Variants in ATP6V0A1 observed in about 807,000 individuals in gnomAD.
The protein encoded by ATP6V0A1 is ATPase H+ transporting V0 subunit a1.
ATP6V0A1 carries 43 observed loss-of-function variants against 105.4 expected under a neutral mutation model. The ratio of observed to expected loss-of-function variants is 0.41; its 90% CI spans 0.32 to 0.53. ATP6V0A1 has a LOEUF of 0.53. ATP6V0A1 is among the 20% of genes least tolerant of loss of function. The pLI, the probability that ATP6V0A1 is intolerant of heterozygous loss-of-function variation, is 0.30. For synonymous variants in ATP6V0A1, 362 were observed against 372.8 expected, an observed-to-expected ratio of 0.97 and a Z score of 0.33; for missense variants, 676 against 1,051.1, an observed-to-expected ratio of 0.64 and a Z score of 4.93.
rs577006376 is a variant in ATP6V0A1, at chr17:42,500,940, G to T, written c.1896+17G>T. On this transcript the variant is annotated intron_variant, in intron 16 of 21. Transcript: ENST00000343619. Reference sequence around the variant, plus strand: ...TCTGGACAGGTACGTCAGCCCAGAGGCAGACTGTCTGAGATGATTATACTT... The same window carrying T: ...TCTGGACAGGTACGTCAGCCCAGAGTCAGACTGTCTGAGATGATTATACTT... The T allele has an allele frequency of 2.5e-6, 4 of 1,596,108 alleles. No individual in the cohort carries two copies. Among genetic ancestry groups the T allele is most frequent in the Middle Eastern group, 3.3e-4 (2 of 6,030 alleles).
intron 5 of ATP6V0A1, among the ~76,000 whole-genome samples, chr17:42,471,747 G>T (rs967701892): frequency 3.3e-5 from 5 of 151,998 alleles, no homozygotes; most frequent in Admixed American, 2.0e-4. Context: ...AAAAATGTAG[G>T]TGACTTAGTC....
At chr17:42,469,799 C>T (rs1007707807) in intron 4 of ATP6V0A1, among the ~76,000 whole-genome samples, 4 of 152,110 alleles carry the variant, frequency 2.6e-5, no homozygotes, top group African/African-American at 7.2e-5. Context: ...TGCGCCAGCA[C>T]GCCCAGCTAA....
At chr17:42,505,152 C>G (rs1438785352) in intron 17 of ATP6V0A1, among the ~76,000 whole-genome samples, 1 of 152,050 alleles carries the variant, frequency 6.6e-6, no homozygotes, top group African/African-American at 2.4e-5. Flanking sequence ...TCTCCTGCCT[C>G]AGCCTCATGA....
In ATP6V0A1 at chr17:42,514,428, C is replaced by T; in HGVS notation, c.2388C>T (p.Leu796=). ...TVAILLIMEG[L]SAFLHALRLH... Reference sequence around the variant, plus strand: ...CCATCCTCCTGATCATGGAGGGCCTCTCGGCCTTTCTCCACGCACTGCGCT... The same window carrying T: ...CCATCCTCCTGATCATGGAGGGCCTTTCGGCCTTTCTCCACGCACTGCGCT... Residue 796 remains leucine (L), a synonymous_variant, in exon 21 of 22, where the codon CTC becomes CTT. Coordinates refer to ENST00000343619, the MANE Select transcript of ATP6V0A1 (RefSeq NM_001130021.3). 6.2e-7 allele frequency: 1 copy of T among 1,610,038 alleles called. No individual in the cohort carries two copies. Among genetic ancestry groups the T allele is most frequent in the Non-Finnish European group, 8.5e-7 (1 of 1,178,068 alleles).
chr17:42,491,520 G>A (rs2090626212), intron 11 of ATP6V0A1, among the ~76,000 whole-genome samples: 1 of 151,756 alleles, frequency 6.6e-6, no homozygotes, highest in South Asian at 2.1e-4. Context: ...ATTTACTCTC[G>A]TTGCCCAGGC....
chr17:42,501,292 G>T lies in ATP6V0A1; in HGVS notation c.1992G>T (p.Arg664Ser), dbSNP rs2091647681. ...TGGTCCTTCGCCGTCAGTATTTGAG[G>T]AGAAAGCATTTGGTAGGTGTATTTC... The part of the protein sequence containing the change: ...KPLVLRRQYL[R>S]RKHLGTLNFG... The change falls in exon 17 of 22, where the codon AGG becomes AGT. Residue 664 changes from arginine (R) to serine (S), a missense_variant. Physicochemically the swap from Arg to Ser is moderately radical, Grantham distance 110 (BLOSUM62 -1). Around this residue, in one of 3 missense-constraint regions of ATP6V0A1, gnomAD observed 435 missense variants for 642.2 expected, o/e 0.68. Coordinates refer to ENST00000343619, the MANE Select transcript of ATP6V0A1 (RefSeq NM_001130021.3). 2 of 1,613,570 alleles carry T rather than the reference G, an allele frequency of 1.2e-6. No individual in the cohort carries two copies. The highest frequency in any genetic ancestry group is 1.3e-5 in the African/African-American group (1 of 74,900).
In ATP6V0A1 at chr17:42,461,030, G is replaced by A; in HGVS notation, c.117+19G>A. The A allele has an allele frequency of 6.3e-7, 1 of 1,588,336 alleles. No homozygotes were observed. Among genetic ancestry groups the A allele is most frequent in the Non-Finnish European group, 8.6e-7 (1 of 1,156,592 alleles). ...TCGTGACGTAAGTAGTTGTGGGGCT[G>A]CGACTTGATTACTGCTGAACTCTAT... On this transcript the variant is annotated intron_variant, in intron 2 of 21. Coordinates refer to ENST00000343619, the MANE Select transcript of ATP6V0A1 (RefSeq NM_001130021.3).
Position 42,477,773 on chromosome 17 carries a change from G to A in ATP6V0A1, c.506+31G>A, listed in dbSNP as rs990601756. 3.9e-6 allele frequency: 6 copies of A among 1,539,338 alleles called. No homozygotes were observed. The African/African-American group carries it at 4.1e-5, about 11-fold the overall frequency. On this transcript the variant is annotated intron_variant, in intron 6 of 21. Transcript: ENST00000343619. The stretch of plus-strand genomic sequence containing the variant: ...TGCCATGTCAACTTTTCGGTATTCA[G>A]TGGGGCCATGTTCATCTCTTCTGTT...
intron 12 of ATP6V0A1, 122 bp from the exon 13 acceptor site, chr17:42,494,912 C>G: frequency 9.2e-7 from 1 of 1,087,372 alleles, no homozygotes; most frequent in Non-Finnish European, 1.3e-6. Flanking sequence ...TTACTTCAAG[C>G]TCTCTGAATC....
intron 14 of ATP6V0A1, 100 bp downstream of exon 14, chr17:42,495,816 C>A: frequency 9.2e-7 from 1 of 1,081,610 alleles, no homozygotes; most frequent in Non-Finnish European, 1.4e-6. Flanking sequence ...TGGGCTTTCA[C>A]TGGGCATGGT....
chr17:42,485,544 T>G (rs1329706722), intron 9 of ATP6V0A1, among the ~76,000 whole-genome samples: 1 of 147,660 alleles, frequency 6.8e-6, no homozygotes, highest in African/African-American at 2.7e-5. Context: ...TGTTTGTTTG[T>G]TTTGTTTTGT....
intron 4 of ATP6V0A1, 40 bp from the exon 5 acceptor site, chr17:42,470,050 A>G (rs1304529270): frequency 6.5e-7 from 1 of 1,540,942 alleles, no homozygotes; most frequent in Non-Finnish European, 8.8e-7. Context: ...CAGAGCAAAC[A>G]TATTGAGCTT....
At chr17:42,511,888 G>A (rs866255823) in intron 19 of ATP6V0A1, among the ~76,000 whole-genome samples, 8 of 152,114 alleles carry the variant, frequency 5.3e-5, no homozygotes, top group African/African-American at 7.2e-5. Context: ...GCTTGAACCC[G>A]GGAGGCAGAG....
chr17:42,487,220 C>G lies in ATP6V0A1; in HGVS notation c.876C>G (p.Val292=). The G allele has an allele frequency of 6.2e-7, 1 of 1,614,212 alleles. No homozygotes were observed. Among genetic ancestry groups the G allele is most frequent in the South Asian group, 1.1e-5 (1 of 91,086 alleles). The change falls in exon 10 of 22, where the codon GTC becomes GTG. Residue 292 remains valine (V), a synonymous_variant. Coordinates refer to ENST00000343619, the MANE Select transcript of ATP6V0A1 (RefSeq NM_001130021.3). ...AGGCAGCTGCTAAGAACATCCGTGT[C>G]TGGTTCATCAAAGTGCGGAAGATGA... The part of the protein sequence containing the change: ...VLQAAAKNIR[V]WFIKVRKMKA...
At chr17:42,520,742 C>CT in intron 21 of ATP6V0A1, 3 of 440,122 alleles carry the variant, frequency 6.8e-6, no homozygotes, top group Non-Finnish European at 1.3e-5. Flanking sequence ...GGTAACTGAA[C>CT]TTTTTTTGCA....
At chr17:42,490,408 C>T in intron 10 of ATP6V0A1, 79 bp from the exon 11 acceptor site, 1 of 1,313,598 alleles carries the variant, frequency 7.6e-7, no homozygotes, top group Non-Finnish European at 1.0e-6. Context: ...TGATGAGTTT[C>T]AAGAAATGTA....
rs2086048280 is a variant in ATP6V0A1, at chr17:42,458,903, G to C, written c.-108G>C. ...ACGTCGAAGCGCTGCTCCTGGAGCC[G>C]CGGAGGGTGCGGGTTTGGCTGCGGT... On this transcript the variant is annotated 5_prime_UTR_variant, in exon 1 of 22. Coordinates refer to ENST00000343619, the MANE Select transcript of ATP6V0A1 (RefSeq NM_001130021.3). 6.5e-6 allele frequency: 1 copy of C among 153,528 alleles called. No individual in the cohort carries two copies. The highest frequency in any genetic ancestry group is 1.5e-5 in the Non-Finnish European group (1 of 68,818). The allele number at this position is 153,528 out of a possible 1,614,324, so 9.5% of individuals were successfully genotyped here. A position where few individuals can be genotyped will look rare whatever the true frequency, so the allele number is the denominator to read the frequency against.
intron 21 of ATP6V0A1, chr17:42,517,961 G>C (rs2092696997): frequency 6.6e-6 from 1 of 152,206 alleles, no homozygotes; most frequent in African/African-American, 2.4e-5. Context: ...CATAGGAAGG[G>C]GGGTGATGTG....
At chr17:42,476,062 A>C (rs1184378785) in intron 5 of ATP6V0A1, among the ~76,000 whole-genome samples, 1 of 152,206 alleles carries the variant, frequency 6.6e-6, no homozygotes, top group African/African-American at 2.4e-5. Context: ...ACCAAGAACA[A>C]GTTGAAATGT....
Sources: gnomAD v4.1 joint callset for allele counts (sites outside exome capture counted in the v4.1 genomes callset) on GRCh38, gnomAD v4.1.1 for gene constraint, gnomAD v4.1.1 regional missense constraint, MANE v1.5 for transcripts, NCBI Gene and HGNC (gene_info 2026-07-23, HGNC 2026-07-21) for gene names.